The following EGFLAM variants were observed in gnomAD, a reference collection of about 807,000 sequenced individuals.
The protein encoded by EGFLAM is pikachurin.
Under a neutral mutation model 113.1 loss-of-function variants are expected in EGFLAM, and 79 were observed. The observed-to-expected ratio is 0.70, with a 90% CI of 0.58 to 0.84. The LOEUF is 0.84. Among genes scored for constraint, EGFLAM ranks in the 40% least tolerant of loss-of-function variants. The probability of loss-of-function intolerance (pLI) is 0.00; values close to 1 mark genes in which losing one functional copy is unlikely to be tolerated. For missense variants in EGFLAM, 1,265 were observed against 1,291.6 expected, an observed-to-expected ratio of 0.98 and a Z score of 0.32; for synonymous variants, 504 against 487.6, an observed-to-expected ratio of 1.03 and a Z score of -0.44.
chr5:38,407,782 G>T (rs1181098375), intron 8 of EGFLAM, 23 bp from the exon 9 acceptor site: 6 of 1,558,330 alleles, frequency 3.9e-6, no homozygotes, highest in African/African-American at 1.4e-5. Flanking sequence ...GCATTCTTTT[G>T]TGTTGTCTTT....
rs576722134 is a variant in EGFLAM, at chr5:38,461,475, AGAGT to A, written c.2772-1432_2772-1429del. 1.3e-4 allele frequency among the ~76,000 whole-genome samples: 20 copies of A among 152,318 alleles called. 1 individual carries two copies. The highest frequency in any genetic ancestry group is 4.8e-4 in the African/African-American group (20 of 41,568). On this transcript the variant is annotated intron_variant, in intron 20 of 21. Coordinates refer to ENST00000322350, the MANE Select transcript of EGFLAM (RefSeq NM_152403.4). ...GAAAAACTCTTAGACTTTATGAACT[AGAGT>A]AAGTAGAAAAAAATGGAATATTTTA...
At chr5:38,349,936 G>A (rs2932109) in intron 3 of EGFLAM, among the ~76,000 whole-genome samples, 2 of 150,468 alleles carry the variant, frequency 1.3e-5, no homozygotes, top group South Asian at 4.2e-4. Context: ...GCTCAGGGCC[G>A]TTTGTGCAGG....
intron 3 of EGFLAM, among the ~76,000 whole-genome samples, chr5:38,344,900 A>T (rs1400745903): frequency 6.6e-6 from 1 of 152,226 alleles, no homozygotes; most frequent in Non-Finnish European, 1.5e-5. Context: ...ATCTAGCCAT[A>T]GGACCACACT....
intron 21 of EGFLAM, 122 bp from the exon 22 acceptor site, chr5:38,463,710 G>T: frequency 8.4e-7 from 1 of 1,197,444 alleles, no homozygotes; most frequent in Non-Finnish European, 1.2e-6. Context: ...GCCCTCACAT[G>T]TCCCATGAAT....
At chr5:38,403,733 T>C (rs2112118264) in intron 6 of EGFLAM, 1 of 1,513,758 alleles carries the variant, frequency 6.6e-7, no homozygotes, top group East Asian at 2.4e-5. Flanking sequence ...TGATCGAGGG[T>C]AAATGAAATT....
intron 6 of EGFLAM, among the ~76,000 whole-genome samples, chr5:38,375,387 A>G (rs540590911): frequency 4.6e-5 from 7 of 152,050 alleles, no homozygotes; most frequent in Non-Finnish European, 1.0e-4. Flanking sequence ...CTCTGTCTCC[A>G]TGAATATTGG....
intron 11 of EGFLAM, among the ~76,000 whole-genome samples, chr5:38,413,687 A>G (rs913789901): frequency 2.0e-5 from 3 of 152,150 alleles, no homozygotes; most frequent in Non-Finnish European, 4.4e-5. Context: ...GCCTTTGTTT[A>G]TATGTCTAGA....
At chr5:38,391,021 T>C (rs1740792085) in intron 6 of EGFLAM, among the ~76,000 whole-genome samples, 1 of 152,160 alleles carries the variant, frequency 6.6e-6, no homozygotes, top group African/African-American at 2.4e-5. Context: ...TCTTAAGTTT[T>C]TTCTTTTTGA....
At chr5:38,281,226 C>G (rs1259088603) in intron 1 of EGFLAM, among the ~76,000 whole-genome samples, 1 of 152,028 alleles carries the variant, frequency 6.6e-6, no homozygotes, top group Non-Finnish European at 1.5e-5. Flanking sequence ...TTTTTAAAAA[C>G]AGTCCTGTTA....
At chr5:38,459,121 C>T (rs1195447453) in intron 20 of EGFLAM, among the ~76,000 whole-genome samples, 6 of 152,016 alleles carry the variant, frequency 3.9e-5, no homozygotes, top group African/African-American at 7.2e-5. Context: ...AGTGCAGCCT[C>T]GCTTGACCTC....
At chr5:38,353,283 A>T (rs1184700008) in intron 5 of EGFLAM, among the ~76,000 whole-genome samples, 2 of 152,226 alleles carry the variant, frequency 1.3e-5, no homozygotes, top group East Asian at 3.8e-4. Flanking sequence ...AATCTAAGAT[A>T]TTTCCTCTGG....
chr5:38,352,445 G>C (rs577175458), intron 5 of EGFLAM, 114 bp downstream of exon 5: 82 of 1,375,654 alleles, frequency 6.0e-5, no homozygotes, highest in Non-Finnish European at 7.3e-5. Flanking sequence ...TCAGGAGTTC[G>C]AGACCAGCCT....
intron 11 of EGFLAM, among the ~76,000 whole-genome samples, chr5:38,414,785 G>A (rs1741588519): frequency 6.6e-6 from 1 of 152,124 alleles, no homozygotes; most frequent in Non-Finnish European, 1.5e-5. Context: ...CAAAGGGAGA[G>A]TCTTGGGAAA....
intron 5 of EGFLAM, among the ~76,000 whole-genome samples, chr5:38,358,612 A>T (rs1739830991): frequency 6.6e-6 from 1 of 152,094 alleles, no homozygotes; most frequent in East Asian, 1.9e-4. Context: ...TCTTCATCCA[A>T]CTTCTATTAC....
intron 3 of EGFLAM, among the ~76,000 whole-genome samples, chr5:38,349,517 A>G (rs1225136597): frequency 6.6e-6 from 1 of 152,202 alleles, no homozygotes; most frequent in Non-Finnish European, 1.5e-5. Context: ...CTGAGGCTTA[A>G]TGAATTTAAT....
At chr5:38,322,720 C>T (rs1355064589) in intron 1 of EGFLAM, among the ~76,000 whole-genome samples, 5 of 152,162 alleles carry the variant, frequency 3.3e-5, no homozygotes, top group Non-Finnish European at 7.3e-5. Context: ...ATGGATTACT[C>T]TCTGGAGTGG....
In EGFLAM at chr5:38,407,921, T is replaced by G; in HGVS notation, c.1248+16T>G. ...TGAATTTAGGGTAAGAGGGATGTGT[T>G]GTTTGATGAGTGCTTTTTGGACACT... On this transcript the variant is annotated intron_variant, in intron 9 of 21. Coordinates refer to ENST00000322350, the MANE Select transcript of EGFLAM (RefSeq NM_152403.4). The G allele has an allele frequency of 6.3e-7, 1 of 1,577,374 alleles. No homozygotes were observed. Among genetic ancestry groups the G allele is most frequent in the Non-Finnish European group, 8.7e-7 (1 of 1,147,118 alleles).
chr5:38,325,095 A>C (rs2111905765), intron 1 of EGFLAM, among the ~76,000 whole-genome samples: 1 of 152,312 alleles, frequency 6.6e-6, no homozygotes, highest in Admixed American at 6.5e-5. Context: ...TGCGGGAGCC[A>C]CAGGATATAT....
At chr5:38,379,057 A>G (rs957053052) in intron 6 of EGFLAM, among the ~76,000 whole-genome samples, 4 of 152,180 alleles carry the variant, frequency 2.6e-5, no homozygotes, top group Non-Finnish European at 5.9e-5. Flanking sequence ...GAATGGGAAG[A>G]CATCAGAATG....
Sources: gnomAD v4.1 joint callset for allele counts (sites outside exome capture counted in the v4.1 genomes callset) on GRCh38, gnomAD v4.1.1 for gene constraint, MANE v1.5 for transcripts, NCBI Gene and HGNC (gene_info 2026-07-23, HGNC 2026-07-21) for gene names.